NRF1: variants seen among roughly 807,000 people sequenced by gnomAD.
NRF1 encodes alpha palindromic-binding protein.
Under a neutral mutation model 58.5 loss-of-function variants are expected in NRF1, and 5 were observed. The ratio of observed to expected loss-of-function variants is 0.09; its 90% confidence interval spans 0.04 to 0.18. The LOEUF is 0.18. NRF1 is among the 10% of genes least tolerant of loss of function. NRF1 has a pLI of 1.00. For missense variants in NRF1, 288 were observed against 657.7 expected (o/e 0.44, Z 6.15); for synonymous variants, 224 against 246.7 (o/e 0.91, Z 0.86).
intron 10 of NRF1, among the ~76,000 whole-genome samples, chr7:129,743,535 C>T (rs995207659): frequency 6.6e-6 from 1 of 152,214 alleles, no homozygotes; most frequent in African/African-American, 2.4e-5. Flanking sequence ...GCTTTGACTC[C>T]TGGAGAAAGC....
At chr7:129,619,431 T>TACACACACACACACACAC (rs1188708134) in intron 1 of NRF1, among the ~76,000 whole-genome samples, 6 of 71,532 alleles carry the variant, frequency 8.4e-5, no homozygotes, top group African/African-American at 4.6e-4. Context: ...TATATATATA[T>TACACACACACACACACAC]ATACACACAC....
At chr7:129,688,282 A>T (rs1263202824) in intron 4 of NRF1, among the ~76,000 whole-genome samples, 1 of 152,048 alleles carries the variant, frequency 6.6e-6, no homozygotes, top group African/African-American at 2.4e-5. Context: ...GCGCACTACC[A>T]TGCCTGGCTA....
At chr7:129,612,748 T>C (rs1800565115) in intron 1 of NRF1, among the ~76,000 whole-genome samples, 1 of 152,164 alleles carries the variant, frequency 6.6e-6, no homozygotes, top group Non-Finnish European at 1.5e-5. Flanking sequence ...CCCCAGACCT[T>C]TTCGGGTTTG....
intron 1 of NRF1, among the ~76,000 whole-genome samples, chr7:129,636,067 C>A (rs2151064660): frequency 6.6e-6 from 1 of 152,226 alleles, no homozygotes; most frequent in African/African-American, 2.4e-5. Context: ...GTGCCCAGGG[C>A]TAAGTACAGG....
intron 10 of NRF1, among the ~76,000 whole-genome samples, chr7:129,745,534 C>T (rs1365145908): frequency 6.0e-5 from 7 of 116,122 alleles, no homozygotes; most frequent in African/African-American, 2.2e-4. Flanking sequence ...GAAATACTGT[C>T]TTCCATGAAA....
intron 2 of NRF1, among the ~76,000 whole-genome samples, chr7:129,659,724 C>T (rs566256872): frequency 1.3e-5 from 2 of 152,332 alleles, no homozygotes; most frequent in African/African-American, 2.4e-5. Context: ...GCCTGCCCCC[C>T]TCTCCCGGAA....
In NRF1 at chr7:129,755,894, CTGACCT is replaced by C. The variant is rs1381109110; in HGVS notation, c.*716_*721del. On this transcript the variant is annotated 3_prime_UTR_variant, in exon 11 of 11. Coordinates refer to ENST00000393232, the MANE Select transcript of NRF1 (RefSeq NM_005011.5). The surrounding 1 kb of genome is among the most constrained non-coding windows in gnomAD (Gnocchi z 5.8). ...GATGCTCCTCGGGCTGGCCCAGGTGCTGACCTTGCCACAGGCAGATGAATGTCTTGA... is the reference window on the plus strand; with the variant it reads ...GATGCTCCTCGGGCTGGCCCAGGTGCTGCCACAGGCAGATGAATGTCTTGA... 1 of 152,708 alleles carries C rather than the reference CTGACCT, an allele frequency of 6.5e-6. No individual in the cohort carries two copies. The highest frequency in any genetic ancestry group is 1.5e-5 in the Non-Finnish European group (1 of 68,114). The allele number at this position is 152,708 out of a possible 1,614,324, so 9.5% of individuals were successfully genotyped here. A position where few individuals can be genotyped will look rare whatever the true frequency, so the allele number is the denominator to read the frequency against.
chr7:129,657,362 A>G lies in NRF1; in HGVS notation c.11A>G (p.His4Arg). The change falls in exon 2 of 11, where the codon CAC becomes CGC. Residue 4 changes from histidine to arginine, a missense_variant. By Grantham distance (29) the His-to-Arg change is conservative. Around this residue, in one of 3 missense-constraint regions of NRF1, gnomAD observed 48 missense variants for 65.5 expected, o/e 0.73. Transcript: ENST00000393232. MEEHGVTQTEHMAT... is the reference protein window; with the variant it reads MEERGVTQTEHMAT... ...TGACAGTAGAACTTCATGGAGGAAC[A>G]CGGAGTGACCCAAACCGAACATATG... is the stretch of plus-strand genomic sequence containing the variant. The G allele has an allele frequency of 1.2e-6, 2 of 1,614,028 alleles. No individual in the cohort carries two copies. The highest frequency in any genetic ancestry group is 1.7e-6 in the Non-Finnish European group (2 of 1,179,868).
chr7:129,627,252 T>C (rs1006367798), intron 1 of NRF1, among the ~76,000 whole-genome samples: 2 of 152,186 alleles, frequency 1.3e-5, no homozygotes, highest in African/African-American at 2.4e-5. Flanking sequence ...CCTCTGTTGC[T>C]CAGGCTGGAG....
intron 1 of NRF1, among the ~76,000 whole-genome samples, chr7:129,619,433 T>TATATATATATATATATATACACAC (rs1554401492): frequency 1.5e-5 from 1 of 65,874 alleles, no homozygotes; most frequent in African/African-American, 8.2e-5. Context: ...TATATATATA[T>TATATATATATATATATATACACAC]ACACACACAC....
chr7:129,646,460 A>G (rs540104022), intron 1 of NRF1, among the ~76,000 whole-genome samples: 7 of 152,280 alleles, frequency 4.6e-5, no homozygotes, highest in Middle Eastern at 3.4e-3. Context: ...CACAAAAGAC[A>G]CTGGGGTAAT....
At chr7:129,735,874 G>C (rs1348186202) in intron 10 of NRF1, among the ~76,000 whole-genome samples, 1 of 152,092 alleles carries the variant, frequency 6.6e-6, no homozygotes, top group East Asian at 1.9e-4. Flanking sequence ...CATGCGTGGT[G>C]GCAGGCACCT....
In NRF1 at chr7:129,729,338, T is replaced by A. The variant is rs189388552; in HGVS notation, c.1348+1973T>A. 1.1e-3 allele frequency among the ~76,000 whole-genome samples: 161 copies of A among 152,336 alleles called. 1 individual carries two copies. The highest frequency in any genetic ancestry group is 9.6e-3 in the Admixed American group (147 of 15,302). ...ATTGATTACTGGAAGCTGCCTCTTT[T>A]CAGTAGCATTGGGTTGTGTGAATCA... On this transcript the variant is annotated intron_variant, in intron 10 of 10. Coordinates refer to ENST00000393232, the MANE Select transcript of NRF1 (RefSeq NM_005011.5).
intron 2 of NRF1, among the ~76,000 whole-genome samples, chr7:129,659,423 A>G (rs368943989): frequency 3.9e-5 from 6 of 152,230 alleles, no homozygotes; most frequent in East Asian, 3.9e-4. Context: ...TTTTTCCTGC[A>G]TCTCCAACTG....
At position 129,756,835 on chromosome 7, in the gene NRF1, C is replaced by G. The variant is rs891180453; in HGVS notation, c.*1654C>G. ...AATGGGGGGAGGGGAGGGAAATTTA[C>G]ATATAAATAGTCCTAGTTCTACAAT... On this transcript the variant is annotated 3_prime_UTR_variant, in exon 11 of 11. Coordinates refer to ENST00000393232, the MANE Select transcript of NRF1 (RefSeq NM_005011.5). 2 of 152,488 alleles carry G rather than the reference C, an allele frequency of 1.3e-5. No homozygotes were observed. Among genetic ancestry groups the G allele is most frequent in the Non-Finnish European group, 2.9e-5 (2 of 68,034 alleles). The allele number at this position is 152,488 out of a possible 1,614,324, so 9.4% of individuals were successfully genotyped here.
At chr7:129,676,730 G>GA (rs1464488916) in intron 3 of NRF1, among the ~76,000 whole-genome samples, 5 of 152,092 alleles carry the variant, frequency 3.3e-5, no homozygotes, top group Admixed American at 6.5e-5. Context: ...CATGCTGTTG[G>GA]AAAAAAATGG....
intron 10 of NRF1, among the ~76,000 whole-genome samples, chr7:129,742,277 A>G (rs78738828): frequency 2.6e-5 from 2 of 76,040 alleles, no homozygotes; most frequent in Non-Finnish European, 5.5e-5. Context: ...AAATTGATTA[A>G]AAAAAAAAAA....
chr7:129,629,051 C>T (rs906917083), intron 1 of NRF1, among the ~76,000 whole-genome samples: 1 of 152,192 alleles, frequency 6.6e-6, no homozygotes, highest in Non-Finnish European at 1.5e-5. Context: ...TTCCGAAATT[C>T]TAATTATCAC....
chr7:129,637,873 GT>G (rs1399772246), intron 1 of NRF1, among the ~76,000 whole-genome samples: 6 of 145,660 alleles, frequency 4.1e-5, no homozygotes, highest in South Asian at 2.1e-4. Context: ...TTTATTTTTT[GT>G]TTTTTTTTTT....
Sources: allele counts gnomAD v4.1 joint callset (sites outside exome capture counted in the v4.1 genomes callset), GRCh38; gene constraint gnomAD v4.1.1; regional missense constraint gnomAD v4.1.1; non-coding constraint Gnocchi (gnomAD v3.1); transcripts MANE v1.5; gene names NCBI Gene and HGNC (gene_info 2026-07-23, HGNC 2026-07-21).